Variants in TRHDE observed in about 807,000 individuals in gnomAD.
TRHDE encodes thyrotropin releasing hormone degrading enzyme.
Under a neutral mutation model 125.7 loss-of-function variants are expected in TRHDE, and 72 were observed. The ratio of observed to expected loss-of-function variants is 0.57; its 90% confidence interval spans 0.47 to 0.70. The LOEUF (loss-of-function observed/expected upper bound fraction) is 0.70. Among genes scored for constraint, TRHDE ranks in the 30% least tolerant of loss-of-function variants. TRHDE has a pLI of 0.00. For missense variants in TRHDE, 1,110 were observed against 1,327.1 expected (o/e 0.84, Z 2.54); for synonymous variants, 509 against 509.1 (o/e 1.00, Z 0.00).
intron 2 of TRHDE, among the ~76,000 whole-genome samples, chr12:72,323,472 T>C (rs1264890802): frequency 6.6e-6 from 1 of 152,134 alleles, no homozygotes; most frequent in Non-Finnish European, 1.5e-5. Context: ...TTCTGGAGCT[T>C]TGTCCTTCCC....
chr12:72,235,032 G>C (rs570970916), intron 2 of TRHDE, among the ~76,000 whole-genome samples: 2 of 152,262 alleles, frequency 1.3e-5, no homozygotes, highest in South Asian at 4.1e-4. Context: ...ACAGTGCTTA[G>C]ACAGTAAAAC....
chr12:72,440,441 T>A lies in TRHDE; in HGVS notation c.1316-29317T>A, dbSNP rs151180516. Among the ~76,000 whole-genome samples the A allele has an allele frequency of 7.6e-3, 1,162 of 152,094 alleles. 9 individuals carry two copies. Among genetic ancestry groups the A allele is most frequent in the South Asian group, 0.038 (185 of 4,828 alleles). On this transcript the variant is annotated intron_variant, in intron 3 of 18. Coordinates refer to ENST00000261180, the MANE Select transcript of TRHDE (RefSeq NM_013381.3). ...ATTTTCACATACATATTTTTAAGAA[T>A]AAATTGGCATCTGAGATTTTTTTTT... is the stretch of plus-strand genomic sequence containing the variant.
chr12:72,087,911 A>G (rs998411958), intron 1 of TRHDE, among the ~76,000 whole-genome samples: 5 of 152,140 alleles, frequency 3.3e-5, no homozygotes, highest in Non-Finnish European at 7.4e-5. Flanking sequence ...GTAGGACTGC[A>G]GGATCTCTAC....
chr12:72,376,410 G>A, intron 2 of TRHDE, among the ~76,000 whole-genome samples: 1 of 152,036 alleles, frequency 6.6e-6, no homozygotes, highest in East Asian at 1.9e-4. Context: ...CAGGGGTAGG[G>A]GATCCTAACC....
chr12:72,334,431 G>A (rs1869740179), intron 2 of TRHDE, among the ~76,000 whole-genome samples: 1 of 152,110 alleles, frequency 6.6e-6, no homozygotes, highest in African/African-American at 2.4e-5. Flanking sequence ...AACTAAATTG[G>A]GGTTCTAGCA....
Position 72,542,271 on chromosome 12 carries a change from T to C in TRHDE, c.1723-20T>C. ...GATACTTTGTTGAAATTCTGTTCTT[T>C]TTATTATTCTTTCCTATAGGGTGCT... On this transcript the variant is annotated intron_variant, in intron 6 of 18. Coordinates refer to ENST00000261180, the MANE Select transcript of TRHDE (RefSeq NM_013381.3). 2 of 1,564,730 alleles carry C rather than the reference T, an allele frequency of 1.3e-6. No homozygotes were observed. Among genetic ancestry groups the C allele is most frequent in the East Asian group, 2.3e-5 (1 of 44,264 alleles).
chr12:72,443,922 G>A (rs1388403638), intron 3 of TRHDE, among the ~76,000 whole-genome samples: 2 of 151,758 alleles, frequency 1.3e-5, no homozygotes, highest in Non-Finnish European at 1.5e-5. Flanking sequence ...TTCAATTAAA[G>A]GGGCCATAAA....
chr12:72,584,282 A>T (rs192989796), intron 12 of TRHDE, among the ~76,000 whole-genome samples: 1 of 151,980 alleles, frequency 6.6e-6, no homozygotes, highest in Non-Finnish European at 1.5e-5. Flanking sequence ...TTTTTTTTCA[A>T]TTGACATAAT....
chr12:72,570,208 C>T (rs978054936), intron 10 of TRHDE, among the ~76,000 whole-genome samples: 5 of 152,062 alleles, frequency 3.3e-5, no homozygotes, highest in African/African-American at 7.2e-5. Flanking sequence ...GATACCTTTC[C>T]GGGTCCATTT....
At position 72,588,914 on chromosome 12, in the gene TRHDE, A is replaced by C. The variant is rs912902742; in HGVS notation, c.2321+13372A>C. 2.6e-5 allele frequency among the ~76,000 whole-genome samples: 4 copies of C among 152,294 alleles called. 1 individual carries two copies. Among genetic ancestry groups the C allele is most frequent in the Middle Eastern group, 6.8e-3 (2 of 294 alleles). On this transcript the variant is annotated intron_variant, in intron 12 of 18. Transcript: ENST00000261180. Reference sequence around the variant, plus strand: ...ATGTCCTTCTTCACAAGGTGGTAGGAAAAGGAAGTGGAAAGCAAAGAGGGA... The same window carrying C: ...ATGTCCTTCTTCACAAGGTGGTAGGCAAAGGAAGTGGAAAGCAAAGAGGGA...
chr12:72,575,855 C>T (rs1260728703), intron 12 of TRHDE, among the ~76,000 whole-genome samples: 1 of 152,084 alleles, frequency 6.6e-6, no homozygotes, highest in Non-Finnish European at 1.5e-5. Context: ...TATTTAAGTT[C>T]TGATAGAAAT....
chr12:72,299,902 G>A (rs577021579), intron 2 of TRHDE, among the ~76,000 whole-genome samples: 1 of 152,236 alleles, frequency 6.6e-6, no homozygotes, highest in South Asian at 2.1e-4. Flanking sequence ...GAAGACCAAC[G>A]AGGGCATGGA....
chr12:72,533,206 C>G (rs1212841077), intron 6 of TRHDE, among the ~76,000 whole-genome samples: 4 of 151,258 alleles, frequency 2.6e-5, no homozygotes, highest in African/African-American at 9.7e-5. Flanking sequence ...TGGAGTTTTG[C>G]TCTTGTCACC....
intron 12 of TRHDE, among the ~76,000 whole-genome samples, chr12:72,617,216 T>C (rs1872853957): frequency 6.6e-6 from 1 of 152,120 alleles, no homozygotes; most frequent in Non-Finnish European, 1.5e-5. Flanking sequence ...AAATCTGAAG[T>C]TTGCTCACTA....
In TRHDE at chr12:72,302,100, T is replaced by A. The variant is rs139597170; in HGVS notation, c.1188+15146T>A. Among the ~76,000 whole-genome samples the A allele has an allele frequency of 3.8e-3, 576 of 152,290 alleles. 2 individuals are homozygous for A. Among genetic ancestry groups the A allele is most frequent in the African/African-American group, 0.013 (547 of 41,570 alleles). ...TTCGTGAAGTACGTTCATTTATGAT[T>A]CTGTTACATGTGGGAAGATGGAATG... On this transcript the variant is annotated intron_variant, in intron 2 of 18. Coordinates refer to ENST00000261180, the MANE Select transcript of TRHDE (RefSeq NM_013381.3).
chr12:72,395,881 TCC>T (rs1872767246), intron 3 of TRHDE, among the ~76,000 whole-genome samples: 1 of 152,174 alleles, frequency 6.6e-6, no homozygotes, highest in South Asian at 2.1e-4. Context: ...AGTATACTCT[TCC>T]CTTCCTCAAT....
intron 7 of TRHDE, among the ~76,000 whole-genome samples, chr12:72,549,154 G>T (rs781581268): frequency 2.6e-5 from 4 of 151,842 alleles, no homozygotes; most frequent in Non-Finnish European, 2.9e-5. Context: ...TTATTGGTTT[G>T]TGCTCATAAA....
At chr12:72,540,463 A>G (rs1869090495) in intron 6 of TRHDE, among the ~76,000 whole-genome samples, 1 of 151,706 alleles carries the variant, frequency 6.6e-6, no homozygotes, top group Non-Finnish European at 1.5e-5. Context: ...AATAGTTTTT[A>G]TAAACTGACA....
Position 72,443,191 on chromosome 12 carries a change from CCTGTGT to C in TRHDE, c.1316-26566_1316-26561del, listed in dbSNP as rs555776547. ...TCCACACATACTTCGCTACTTCTTT[CCTGTGT>C]GTGTGTGTGTGTGTGTGTGTGTGTG... On this transcript the variant is annotated intron_variant, in intron 3 of 18. Coordinates refer to ENST00000261180, the MANE Select transcript of TRHDE (RefSeq NM_013381.3). 5.6e-3 allele frequency among the ~76,000 whole-genome samples: 626 copies of C among 111,460 alleles called. 1 individual carries two copies. The highest frequency in any genetic ancestry group is 0.017 in the South Asian group (61 of 3,654). The allele number at this position is 111,460 out of a possible 152,430, so 73.1% of individuals were successfully genotyped here.
Sources: gnomAD v4.1 joint callset for allele counts (sites outside exome capture counted in the v4.1 genomes callset) on GRCh38, gnomAD v4.1.1 for gene constraint, MANE v1.5 for transcripts, NCBI Gene and HGNC (gene_info 2026-07-23, HGNC 2026-07-21) for gene names.